NR2E1: variants seen among roughly 807,000 people sequenced by gnomAD.
NR2E1 encodes nuclear receptor subfamily 2 group E member 1.
Under a neutral mutation model 43.6 loss-of-function variants are expected in NR2E1, and 5 were observed. The ratio of observed to expected loss-of-function variants is 0.11; its 90% CI spans 0.06 to 0.24. The LOEUF (loss-of-function observed/expected upper bound fraction) is 0.24, where lower values mean the gene tolerates loss of function less well. Ranked by LOEUF, NR2E1 falls within the 10% of genes least tolerant of loss-of-function variation. The pLI is 1.00. For synonymous variants in NR2E1, 191 were observed against 195.5 expected (o/e 0.98, Z 0.19); for missense variants, 287 against 496.7 (o/e 0.58, Z 4.01).
chr6:108,187,762 T>C lies in NR2E1; in HGVS notation c.*299T>C, dbSNP rs1256573023. The C allele has an allele frequency of 2.4e-6, 1 of 412,218 alleles. No homozygotes were observed. Among genetic ancestry groups the C allele is most frequent in the Non-Finnish European group, 4.6e-6 (1 of 218,190 alleles). 25.5% of individuals were successfully genotyped at this position (412,218 alleles called of 1,614,324 possible). ...CCACAGGCCGTGCCATTCTGCCTCT[T>C]ACCTGGAAGATCAGGCTGAACGATC... On this transcript the variant is annotated 3_prime_UTR_variant, in exon 9 of 9. Coordinates refer to ENST00000368986, the MANE Select transcript of NR2E1 (RefSeq NM_003269.5).
intron 2 of NR2E1, 147 bp from the exon 3 acceptor site, chr6:108,174,689 C>T: frequency 1.5e-6 from 1 of 676,286 alleles, no homozygotes; most frequent in East Asian, 2.7e-5. Flanking sequence ...GCCCAAGGCC[C>T]TCGCGTTTTG....
At chr6:108,183,420 G>A (rs1215188211) in intron 8 of NR2E1, among the ~76,000 whole-genome samples, 1 of 152,010 alleles carries the variant, frequency 6.6e-6, no homozygotes, top group East Asian at 1.9e-4. Flanking sequence ...AAAGAGAAAT[G>A]GAAACTTTCT....
Position 108,166,911 on chromosome 6 carries a change from G to T in NR2E1, c.25+121G>T, listed in dbSNP as rs1773718462. 1 of 1,073,068 alleles carries T rather than the reference G, an allele frequency of 9.3e-7. No homozygotes were observed. 66.5% of individuals were successfully genotyped at this position (1,073,068 alleles called of 1,614,324 possible). On this transcript the variant is annotated intron_variant, in intron 1 of 8. Coordinates refer to ENST00000368986, the MANE Select transcript of NR2E1 (RefSeq NM_003269.5). This position sits in a 1 kb window ranked among gnomAD's most constrained non-coding sequence, Gnocchi z 7.2. ...CTGAGCCCCTGAGAGGGATTCCAGC[G>T]GGCGTGTGCGTTCGGCCCAGACCTG...
At chr6:108,186,804 G>A (rs1774083189) in intron 8 of NR2E1, among the ~76,000 whole-genome samples, 1 of 152,118 alleles carries the variant, frequency 6.6e-6, no homozygotes, top group African/African-American at 2.4e-5. Context: ...TAATAAGGAT[G>A]GAATTATTCC....
Position 108,166,732 on chromosome 6 carries a change from C to T in NR2E1, c.-34C>T, listed in dbSNP as rs17840265. ...GCGCTGCCGGCCGGGACTCGGGCAGCGCCCACCAACCGCTCCGCCCCGGGA... is the reference window on the plus strand; with the variant it reads ...GCGCTGCCGGCCGGGACTCGGGCAGTGCCCACCAACCGCTCCGCCCCGGGA... On this transcript the variant is annotated 5_prime_UTR_variant, in exon 1 of 9. Coordinates refer to ENST00000368986, the MANE Select transcript of NR2E1 (RefSeq NM_003269.5). This position sits in a 1 kb window ranked among gnomAD's most constrained non-coding sequence, Gnocchi z 7.2. The T allele has an allele frequency of 0.04, 60,740 of 1,537,534 alleles. 1,507 individuals are homozygous for T. Among genetic ancestry groups the T allele is most frequent in the South Asian group, 0.088 (7,358 of 83,320 alleles).
rs1391597371 is a variant in NR2E1, at chr6:108,169,186, C to A, written c.26-2272C>A. On this transcript the variant is annotated intron_variant, in intron 1 of 8. Coordinates refer to ENST00000368986, the MANE Select transcript of NR2E1 (RefSeq NM_003269.5). The surrounding 1 kb of genome is among the most constrained non-coding windows in gnomAD (Gnocchi z 6.1). ...CAGGCCCGCTATGCCCCGGAATTTT[C>A]GCGTCCCTCCCTCCTGGGCCCCGCC... Among the ~76,000 whole-genome samples the A allele has an allele frequency of 6.6e-6, 1 of 152,138 alleles. No individual in the cohort carries two copies. Among genetic ancestry groups the A allele is most frequent in the African/African-American group, 2.4e-5 (1 of 41,428 alleles).
chr6:108,176,663 C>T lies in NR2E1; in HGVS notation c.420C>T (p.His140=). The change falls in exon 4 of 9, where the codon CAC becomes CAT. Residue 140 remains histidine, a synonymous_variant. Transcript: ENST00000368986. Reference sequence around the variant, plus strand: ...CCGCGGTCACGCAGCTGGAGCCGCACGGCCTGGAGCTGGCCGCGGTGTCCA... The same window carrying T: ...CCGCGGTCACGCAGCTGGAGCCGCATGGCCTGGAGCTGGCCGCGGTGTCCA... ...FFTAVTQLEP[H]GLELAAVSTT... 2 of 1,604,060 alleles carry T rather than the reference C, an allele frequency of 1.2e-6. No homozygotes were observed. The highest frequency in any genetic ancestry group is 1.7e-6 in the Non-Finnish European group (2 of 1,177,396).
intron 3 of NR2E1, chr6:108,176,221 G>T (rs1773894240): frequency 1.9e-6 from 1 of 523,240 alleles, no homozygotes; most frequent in Admixed American, 3.4e-5. Flanking sequence ...GCCCTGGACC[G>T]AAGGAGAACA....
At chr6:108,167,692 G>C (rs1773732432) in intron 1 of NR2E1, among the ~76,000 whole-genome samples, 1 of 152,140 alleles carries the variant, frequency 6.6e-6, no homozygotes, top group African/African-American at 2.4e-5. Flanking sequence ...GGGCTCCAGG[G>C]TCTGAGGCTG....
intron 1 of NR2E1, among the ~76,000 whole-genome samples, chr6:108,170,169 G>C (rs895352310): frequency 2.0e-5 from 3 of 151,904 alleles, no homozygotes; most frequent in African/African-American, 7.3e-5. Context: ...CAATCCCATC[G>C]TAGTCCCCAA....
chr6:108,166,046 C>T lies in NR2E1; in HGVS notation c.-720C>T, dbSNP rs1411069555. 3 of 152,734 alleles carry T rather than the reference C, an allele frequency of 2.0e-5. No homozygotes were observed. Among genetic ancestry groups the T allele is most frequent in the African/African-American group, 7.2e-5 (3 of 41,470 alleles). 9.5% of individuals were successfully genotyped at this position (152,734 alleles called of 1,614,324 possible). A position where few individuals can be genotyped will look rare whatever the true frequency, so the allele number is the denominator to read the frequency against. On this transcript the variant is annotated 5_prime_UTR_variant, in exon 1 of 9. Coordinates refer to ENST00000368986, the MANE Select transcript of NR2E1 (RefSeq NM_003269.5). This position sits in a 1 kb window ranked among gnomAD's most constrained non-coding sequence, Gnocchi z 7.2. The stretch of plus-strand genomic sequence containing the variant: ...TATTCCCCTCCCCGCGGCTGCCTGT[C>T]AGAGCGCTTCTGGAGATATTACAGG...
intron 8 of NR2E1, among the ~76,000 whole-genome samples, chr6:108,183,409 T>G (rs757761871): frequency 1.3e-5 from 2 of 152,148 alleles, no homozygotes; most frequent in Non-Finnish European, 2.9e-5. Flanking sequence ...GCCAGGCTTT[T>G]AAAGAGAAAT....
Position 108,169,907 on chromosome 6 carries a change from G to A in NR2E1, c.26-1551G>A, listed in dbSNP as rs1773777448. On this transcript the variant is annotated intron_variant, in intron 1 of 8. Coordinates refer to ENST00000368986, the MANE Select transcript of NR2E1 (RefSeq NM_003269.5). The surrounding 1 kb of genome is among the most constrained non-coding windows in gnomAD (Gnocchi z 6.1). ...TGGCTCTATAGGCAGGTGCTGCCGC[G>A]GGGTTGTAATTACCCGGCCGAGCCT... 6.6e-6 allele frequency among the ~76,000 whole-genome samples: 1 copy of A among 152,062 alleles called. No homozygotes were observed. Among genetic ancestry groups the A allele is most frequent in the African/African-American group, 2.4e-5 (1 of 41,426 alleles).
chr6:108,174,476 T>A (rs1773862416), intron 2 of NR2E1, among the ~76,000 whole-genome samples: 1 of 152,002 alleles, frequency 6.6e-6, no homozygotes, highest in Admixed American at 6.5e-5. Flanking sequence ...TGAAGTCTCG[T>A]CCCTGTTCCA....
chr6:108,176,834 T>TG (rs1773907956), intron 4 of NR2E1, 96 bp downstream of exon 4: 2 of 1,215,152 alleles, frequency 1.6e-6, no homozygotes, highest in African/African-American at 1.5e-5. Flanking sequence ...TCAGGCAAAC[T>TG]GGGGAGAGAA....
At position 108,168,308 on chromosome 6, in the gene NR2E1, C is replaced by A. The variant is rs536341756; in HGVS notation, c.25+1518C>A. 50 of 767,970 alleles carry A rather than the reference C, an allele frequency of 6.5e-5. No individual in the cohort carries two copies. In the South Asian group the frequency reaches 1.1e-3, roughly 16 times the overall value. The allele number at this position is 767,970 out of a possible 1,614,324, so 47.6% of individuals were successfully genotyped here. ...CTCGGCAGGCCTCCTAGCTCGCTCG[C>A]CCCGGGACAGGCCCTCGCCTACACC... On this transcript the variant is annotated intron_variant, in intron 1 of 8. Transcript: ENST00000368986.
chr6:108,166,642 T>C lies in NR2E1; in HGVS notation c.-124T>C, dbSNP rs1773712140. 1.3e-6 allele frequency: 1 copy of C among 741,928 alleles called. No homozygotes were observed. The highest frequency in any genetic ancestry group is 2.0e-5 in the South Asian group (1 of 48,840). 46.0% of individuals were successfully genotyped at this position (741,928 alleles called of 1,614,324 possible). A position where few individuals can be genotyped will look rare whatever the true frequency, so the allele number is the denominator to read the frequency against. On this transcript the variant is annotated 5_prime_UTR_variant, in exon 1 of 9. Coordinates refer to ENST00000368986, the MANE Select transcript of NR2E1 (RefSeq NM_003269.5). This position sits in a 1 kb window ranked among gnomAD's most constrained non-coding sequence, Gnocchi z 7.2. The stretch of plus-strand genomic sequence containing the variant: ...GCAGCGCGCGACTGACACCCACCTG[T>C]CCCGCCCAGGAGCCTTGCAGGCTGG...
intron 5 of NR2E1, among the ~76,000 whole-genome samples, chr6:108,179,492 CTGTGTGTGTGTGTGTGTGTGTGTG>C (rs34907033): frequency 7.6e-6 from 1 of 131,348 alleles, no homozygotes; most frequent in Non-Finnish European, 1.6e-5. Context: ...TAACCACTTC[CTGTGTGTGTGTGTGTGTGTGTGTG>C]TGTGTGTGTG....
At position 108,187,560 on chromosome 6, in the gene NR2E1, T is replaced by C. The variant is rs1360488889; in HGVS notation, c.*97T>C. 2.4e-5 allele frequency: 32 copies of C among 1,341,354 alleles called. No homozygotes were observed. The highest frequency in any genetic ancestry group is 3.3e-5 in the Non-Finnish European group (31 of 940,174). 83.1% of individuals were successfully genotyped at this position (1,341,354 alleles called of 1,614,324 possible). ...ACTAACAAACCCTTCAGGAAGCATA[T>C]ACCGGGGAATGTGTAGCCTTCAGGA... is the stretch of plus-strand genomic sequence containing the variant. On this transcript the variant is annotated 3_prime_UTR_variant, in exon 9 of 9. Coordinates refer to ENST00000368986, the MANE Select transcript of NR2E1 (RefSeq NM_003269.5).
Sources: allele counts gnomAD v4.1 joint callset (sites outside exome capture counted in the v4.1 genomes callset), GRCh38; gene constraint gnomAD v4.1.1; non-coding constraint Gnocchi (gnomAD v3.1); transcripts MANE v1.5; gene names NCBI Gene and HGNC (gene_info 2026-07-23, HGNC 2026-07-21).